The following HTR6 variants were observed in gnomAD, a reference collection of about 807,000 sequenced individuals.
HTR6 encodes the protein 5-hydroxytryptamine (serotonin) receptor 6, G protein-coupled.
Under a neutral mutation model 17.4 loss-of-function variants are expected in HTR6, and 15 were observed. That is an observed-to-expected ratio of 0.86 (90% confidence interval 0.58 to 1.33). The LOEUF (loss-of-function observed/expected upper bound fraction) is 1.33, where lower values mean the gene tolerates loss of function less well. Ranked by LOEUF, HTR6 falls within the 40% of genes most tolerant of loss-of-function variation. The pLI is 0.00. For missense variants in HTR6, 578 were observed against 616.0 expected, an observed-to-expected ratio of 0.94 and a Z score of 0.65; for synonymous variants, 326 against 295.5, an observed-to-expected ratio of 1.10 and a Z score of -1.06.
At chr1:19,669,839 T>G (rs1300366475) in intron 1 of HTR6, among the ~76,000 whole-genome samples, 1 of 152,210 alleles carries the variant, frequency 6.6e-6, no homozygotes, top group Admixed American at 6.5e-5. Context: ...TTTCACCATG[T>G]TGGCCAGGCT....
At position 19,679,144 on chromosome 1, in the gene HTR6, C is replaced by T. The variant is rs759709319; in HGVS notation, c.1099C>T (p.Gln367Ter). 2 of 1,608,106 alleles carry T rather than the reference C, an allele frequency of 1.2e-6. No homozygotes were observed. Among genetic ancestry groups the T allele is most frequent in the East Asian group, 2.2e-5 (1 of 44,654 alleles). Residue 367 changes from glutamine (Q) to a stop codon, truncating the protein, a stop_gained, in exon 3 of 3, where the codon CAG (glutamine) becomes TAG (stop). Coordinates refer to ENST00000289753, the MANE Select transcript of HTR6 (RefSeq NM_000871.3). LOFTEE classifies it low-confidence loss of function (END_TRUNC). This position sits in a 1 kb window ranked among gnomAD's most constrained non-coding sequence, Gnocchi z 4.9. The part of the protein sequence containing the change: ...HSGPRPGLSL[Q>*]QVLPLPLPPD... ...CGGCCCCCGGCCCGGCCTTAGCCTA[C>T]AGCAGGTGCTGCCGCTGCCCCTGCC...
chr1:19,670,695 C>T (rs948579458), intron 1 of HTR6, among the ~76,000 whole-genome samples: 2 of 152,154 alleles, frequency 1.3e-5, no homozygotes, highest in South Asian at 2.1e-4. Flanking sequence ...AAACCCTGAG[C>T]TCAGGCAATC....
chr1:19,677,817 G>A lies in HTR6; in HGVS notation c.715-750G>A, dbSNP rs574765109. 2.0e-4 allele frequency among the ~76,000 whole-genome samples: 30 copies of A among 152,360 alleles called. 1 individual carries two copies. The highest frequency in any genetic ancestry group is 7.2e-4 in the African/African-American group (30 of 41,584). ...TGCAGTGATGTGAGCTTGGCACACT[G>A]CAACCTCCACCTCCTGGGTTCAAGC... On this transcript the variant is annotated intron_variant, in intron 1 of 2. Coordinates refer to ENST00000289753, the MANE Select transcript of HTR6 (RefSeq NM_000871.3).
At chr1:19,678,790 G>A (rs903326651) in intron 2 of HTR6, 65 bp downstream of exon 2, 11 of 1,572,222 alleles carry the variant, frequency 7.0e-6, no homozygotes, top group African/African-American at 6.7e-5. Flanking sequence ...TCCCAGCCCA[G>A]GCATGGGGAC....
rs1011961590 is a variant in HTR6, at chr1:19,679,459, T to G, written c.*91T>G. ...CAGCTCTTGGCTAAGACCAGGAGGC[T>G]GCAAGTCTCCTAGAAGCCCTCTGAG... On this transcript the variant is annotated 3_prime_UTR_variant, in exon 3 of 3. Transcript: ENST00000289753. The surrounding 1 kb of genome is among the most constrained non-coding windows in gnomAD (Gnocchi z 4.9). The G allele has an allele frequency of 5.6e-6, 8 of 1,439,498 alleles. No individual in the cohort carries two copies. Among genetic ancestry groups the G allele is most frequent in the Middle Eastern group, 2.6e-4 (1 of 3,876 alleles). The allele number at this position is 1,439,498 out of a possible 1,614,324, so 89.2% of individuals were successfully genotyped here.
chr1:19,678,698 GC>G lies in HTR6; in HGVS notation c.849del (p.Phe284SerfsTer6). ...TGGGCATGTTCTTTGTGACCTGGTTGCCCTTCTTTGTGGCCAACATAGTCCA... is the reference window on the plus strand; with the variant it reads ...TGGGCATGTTCTTTGTGACCTGGTTGCCTTCTTTGTGGCCAACATAGTCCA... Reference protein sequence around the residue: ...LLGMFFVTWLPFFVANIVQAV... With the variant: ...LLGMFFVTWLXFFVANIVQAV... On this transcript the variant is annotated frameshift_variant, in exon 2 of 3. Coordinates refer to ENST00000289753, the MANE Select transcript of HTR6 (RefSeq NM_000871.3). LOFTEE classifies it low-confidence loss of function (END_TRUNC). 6.2e-7 allele frequency: 1 copy of G among 1,612,472 alleles called. No homozygotes were observed. Among genetic ancestry groups the G allele is most frequent in the Non-Finnish European group, 8.5e-7 (1 of 1,178,734 alleles).
chr1:19,676,020 C>T (rs1385302279), intron 1 of HTR6, among the ~76,000 whole-genome samples: 3 of 152,026 alleles, frequency 2.0e-5, no homozygotes, highest in African/African-American at 4.8e-5. Context: ...GCATCTGAGC[C>T]GCAGCGTGGT....
rs2095082789 is a variant in HTR6, at chr1:19,667,347, C to T, written c.714+880C>T. 2.0e-5 allele frequency among the ~76,000 whole-genome samples: 3 copies of T among 152,078 alleles called. No individual in the cohort carries two copies. The South Asian group carries it at 6.2e-4, about 32-fold the overall frequency. On this transcript the variant is annotated intron_variant, in intron 1 of 2. Coordinates refer to ENST00000289753, the MANE Select transcript of HTR6 (RefSeq NM_000871.3). ...AAAAATGACTTGTTCATTTTGCCTC[C>T]CTGACTTGAATATAAGCTCCAGGAG...
chr1:19,678,233 G>T (rs893272497), intron 1 of HTR6, among the ~76,000 whole-genome samples: 1 of 152,178 alleles, frequency 6.6e-6, no homozygotes, highest in Non-Finnish European at 1.5e-5. Context: ...TCAGGGTCAG[G>T]GCTCAGTGTG....
intron 1 of HTR6, among the ~76,000 whole-genome samples, chr1:19,677,914 AT>A (rs1199647669): frequency 1.3e-5 from 2 of 152,076 alleles, no homozygotes; most frequent in African/African-American, 2.4e-5. Context: ...TAATTTTTGT[AT>A]TTTTAGTAGA....
At chr1:19,669,880 C>T (rs910534804) in intron 1 of HTR6, among the ~76,000 whole-genome samples, 1 of 152,186 alleles carries the variant, frequency 6.6e-6, no homozygotes, top group Non-Finnish European at 1.5e-5. Flanking sequence ...ACGTGATCTG[C>T]TAGCCTCGGC....
chr1:19,680,298 C>T lies in HTR6; in HGVS notation c.*930C>T, dbSNP rs2095100362. Reference sequence around the variant, plus strand: ...GGAAGGGCTCTTTGCTCCCGTTGTTCTCTTTCCATTTGCCTCCCCCTCTTC... The same window carrying T: ...GGAAGGGCTCTTTGCTCCCGTTGTTTTCTTTCCATTTGCCTCCCCCTCTTC... On this transcript the variant is annotated 3_prime_UTR_variant, in exon 3 of 3. Coordinates refer to ENST00000289753, the MANE Select transcript of HTR6 (RefSeq NM_000871.3). Among the ~76,000 whole-genome samples the T allele has an allele frequency of 6.6e-6, 1 of 152,206 alleles. No homozygotes were observed. Among genetic ancestry groups the T allele is most frequent in the Admixed American group, 6.5e-5 (1 of 15,280 alleles).
In HTR6 at chr1:19,676,767, C is replaced by G. The variant is rs982515848; in HGVS notation, c.715-1800C>G. 2.0e-5 allele frequency among the ~76,000 whole-genome samples: 3 copies of G among 152,322 alleles called. No homozygotes were observed. The South Asian group carries it at 6.2e-4, about 32-fold the overall frequency. ...GGTTGCCTGGGAATCTGGCTCTGCT[C>G]CTGCCTCCTTCTGACCTCATCTCCC... On this transcript the variant is annotated intron_variant, in intron 1 of 2. Transcript: ENST00000289753.
chr1:19,665,577 C>G lies in HTR6; in HGVS notation c.-177C>G. The G allele has an allele frequency of 1.9e-6, 1 of 517,740 alleles. No homozygotes were observed. The highest frequency in any genetic ancestry group is 2.0e-5 in the African/African-American group (1 of 48,986). 32.1% of individuals were successfully genotyped at this position (517,740 alleles called of 1,614,324 possible). On this transcript the variant is annotated 5_prime_UTR_variant, in exon 1 of 3. Transcript: ENST00000289753. This position sits in a 1 kb window ranked among gnomAD's most constrained non-coding sequence, Gnocchi z 4.2. ...ACTGTGTCCTCCTGTAGTCGCTGCC[C>G]CCTGACCTAGCGCGACCCAGCGCCC...
chr1:19,668,472 T>C (rs946779507), intron 1 of HTR6, among the ~76,000 whole-genome samples: 2 of 152,196 alleles, frequency 1.3e-5, no homozygotes, highest in African/African-American at 4.8e-5. Context: ...CAGGCTTCCC[T>C]GGGTTCTTGA....
In HTR6 at chr1:19,679,227, C is replaced by T; in HGVS notation, c.1182C>T (p.Leu394=). Residue 394 remains leucine (L), a synonymous_variant, in exon 3 of 3, where the codon CTC becomes CTT. Transcript: ENST00000289753. The surrounding 1 kb of genome is among the most constrained non-coding windows in gnomAD (Gnocchi z 4.9). ...AGSGGSSGLR[L]TAQLLLPGEA... ...CAGGCGGCTCCTCGGGCCTGCGGCTCACGGCCCAGCTGCTGCTTCCTGGCG... is the reference window on the plus strand; with the variant it reads ...CAGGCGGCTCCTCGGGCCTGCGGCTTACGGCCCAGCTGCTGCTTCCTGGCG... 1.3e-6 allele frequency: 2 copies of T among 1,572,446 alleles called. No homozygotes were observed. The highest frequency in any genetic ancestry group is 2.4e-5 in the East Asian group (1 of 42,136).
At chr1:19,673,068 T>C (rs2100472754) in intron 1 of HTR6, among the ~76,000 whole-genome samples, 1 of 152,260 alleles carries the variant, frequency 6.6e-6, no homozygotes, top group East Asian at 1.9e-4. Flanking sequence ...CTTGACCCTT[T>C]CTAGGGAAAA....
In HTR6 at chr1:19,680,724, G is replaced by T. The variant is rs1014049217; in HGVS notation, c.*1356G>T. Among the ~76,000 whole-genome samples the T allele has an allele frequency of 2.0e-5, 3 of 152,148 alleles. No homozygotes were observed. Among genetic ancestry groups the T allele is most frequent in the South Asian group, 4.1e-4 (2 of 4,830 alleles). ...GGGCCTTGGTTTCTGGGGGCAGGGG[G>T]TTGGGGAACTCTTGGTCGCCAGTTT... On this transcript the variant is annotated 3_prime_UTR_variant, in exon 3 of 3. Transcript: ENST00000289753.
rs1309670001 is a variant in HTR6 at position 19,666,464 on chromosome 1, G to T, written c.711G>T (p.Leu237=). 6.2e-7 allele frequency: 1 copy of T among 1,604,172 alleles called. No homozygotes were observed. Among genetic ancestry groups the T allele is most frequent in the Non-Finnish European group, 8.5e-7 (1 of 1,176,266 alleles). ...TGGCCAGTCAGGCCTCGGAGACGCT[G>T]CAGGTACCTGGGGTGCGCAGGGAGA... The part of the protein sequence containing the change: ...TGMASQASET[L]QVPRTPRPGV... The change falls in exon 1 of 3, where the codon CTG becomes CTT. Residue 237 remains leucine (L), a synonymous_variant. Coordinates refer to ENST00000289753, the MANE Select transcript of HTR6 (RefSeq NM_000871.3). The surrounding 1 kb of genome is among the most constrained non-coding windows in gnomAD (Gnocchi z 4.5).
Sources: allele counts gnomAD v4.1 joint callset (sites outside exome capture counted in the v4.1 genomes callset), GRCh38; gene constraint gnomAD v4.1.1; non-coding constraint Gnocchi (gnomAD v3.1); transcripts MANE v1.5; gene names NCBI Gene and HGNC (gene_info 2026-07-23, HGNC 2026-07-21).